GRID2: variants seen among roughly 807,000 people sequenced by gnomAD.
GRID2 encodes glutamate ionotropic receptor delta type subunit 2, also known as glutamate receptor ionotropic, delta-2.
A neutral mutation model predicts 114.8 loss-of-function variants in GRID2; 33 were observed. The ratio of observed to expected loss-of-function variants is 0.29; its 90% CI spans 0.22 to 0.38. The LOEUF is 0.38. Ranked by LOEUF, GRID2 falls within the 10% of genes least tolerant of loss-of-function variation. The pLI is 1.00. For synonymous variants in GRID2, 505 were observed against 449.9 expected (o/e 1.12, Z -1.55); for missense variants, 1,184 against 1,257.7 (o/e 0.94, Z 0.89).
intron 8 of GRID2, among the ~76,000 whole-genome samples, chr4:93,332,743 C>G (rs1758629476): frequency 2.6e-5 from 4 of 152,224 alleles, no homozygotes; most frequent in Admixed American, 6.5e-5. Flanking sequence ...CCTTTGAGAA[C>G]TGCCTCTCTA....
chr4:92,452,309 AT>A (rs1215902255), intron 1 of GRID2, among the ~76,000 whole-genome samples: 1 of 151,846 alleles, frequency 6.6e-6, no homozygotes, highest in East Asian at 1.9e-4. Flanking sequence ...GCAAGGGTAA[AT>A]CTGTTTAGAT....
intron 2 of GRID2, among the ~76,000 whole-genome samples, chr4:92,910,577 G>T (rs1407179763): frequency 6.6e-6 from 1 of 152,128 alleles, no homozygotes. Flanking sequence ...TGTCAAGGGA[G>T]GAGAAGGTAG....
intron 13 of GRID2, among the ~76,000 whole-genome samples, chr4:93,536,643 ACTT>A (rs35785897): frequency 0.29 from 43,221 of 147,068 alleles, 6,645 homozygotes; most frequent in African/African-American, 0.39. Flanking sequence ...GATATTTTTG[ACTT>A]CTTTTTTTTT....
At chr4:92,563,537 T>C (rs1382989649) in intron 1 of GRID2, among the ~76,000 whole-genome samples, 1 of 152,098 alleles carries the variant, frequency 6.6e-6, no homozygotes, top group African/African-American at 2.4e-5. Context: ...ATAGTTCTAA[T>C]TTTACCACAC....
intron 14 of GRID2, among the ~76,000 whole-genome samples, chr4:93,733,432 A>G (rs1320778004): frequency 6.6e-6 from 1 of 152,114 alleles, no homozygotes; most frequent in Non-Finnish European, 1.5e-5. Flanking sequence ...AATTTTCTCC[A>G]AGTGCCTGCT....
At chr4:92,539,834 G>A (rs1233156477) in intron 1 of GRID2, among the ~76,000 whole-genome samples, 2 of 152,088 alleles carry the variant, frequency 1.3e-5, no homozygotes, top group Non-Finnish European at 2.9e-5. Context: ...TCACTGAAAT[G>A]TCCTGGACTG....
At chr4:92,480,667 T>C (rs958504082) in intron 1 of GRID2, among the ~76,000 whole-genome samples, 2 of 152,194 alleles carry the variant, frequency 1.3e-5, no homozygotes, top group African/African-American at 4.8e-5. Flanking sequence ...TTGGCTGCAC[T>C]GGTTTTCCTT....
chr4:92,732,351 A>G (rs1411109785), intron 2 of GRID2, among the ~76,000 whole-genome samples: 3 of 152,066 alleles, frequency 2.0e-5, no homozygotes, highest in Admixed American at 6.6e-5. Flanking sequence ...ATATGTATTC[A>G]TTAATTTCTC....
chr4:92,702,953 T>TCTCA (rs1299772526), intron 2 of GRID2, among the ~76,000 whole-genome samples: 2 of 152,132 alleles, frequency 1.3e-5, no homozygotes, highest in Non-Finnish European at 2.9e-5. Flanking sequence ...TCTTTAGCAC[T>TCTCA]CTCAGGTGGA....
intron 2 of GRID2, among the ~76,000 whole-genome samples, chr4:92,704,739 C>CTCTCTTTCTCTCTCTCTCTG (rs1734870470): frequency 6.6e-6 from 1 of 150,538 alleles, no homozygotes; most frequent in Admixed American, 6.6e-5. Flanking sequence ...CTCTCTCTCT[C>CTCTCTTTCTCTCTCTCTCTG]TCTCTCCCTC....
At chr4:93,376,087 G>A (rs555789683) in intron 8 of GRID2, among the ~76,000 whole-genome samples, 6 of 152,002 alleles carry the variant, frequency 3.9e-5, no homozygotes, top group African/African-American at 1.4e-4. Flanking sequence ...GATTAGTTTT[G>A]GGCCCACCCA....
rs113069997 is a variant in GRID2, at chr4:93,114,447, T to A, written c.735+3494T>A. Among the ~76,000 whole-genome samples the A allele has an allele frequency of 3.4e-3, 515 of 152,326 alleles. 1 individual carries two copies. Among genetic ancestry groups the A allele is most frequent in the Non-Finnish European group, 5.5e-3 (371 of 68,034 alleles). Reference sequence around the variant, plus strand: ...TATTATCTTTCCTTAAAGACTTTTCTGTCTTTCCCCACTCATCCACCATTT... The same window carrying A: ...TATTATCTTTCCTTAAAGACTTTTCAGTCTTTCCCCACTCATCCACCATTT... On this transcript the variant is annotated intron_variant, in intron 4 of 15. Coordinates refer to ENST00000282020, the MANE Select transcript of GRID2 (RefSeq NM_001510.4).
chr4:92,828,873 C>T (rs1412053358), intron 2 of GRID2, among the ~76,000 whole-genome samples: 2 of 150,870 alleles, frequency 1.3e-5, no homozygotes, highest in African/African-American at 4.9e-5. Flanking sequence ...TTGTTTTTTT[C>T]TTGTAAATTT....
At chr4:93,084,333 G>A (rs568455048) in intron 2 of GRID2, among the ~76,000 whole-genome samples, 2 of 152,206 alleles carry the variant, frequency 1.3e-5, no homozygotes, top group African/African-American at 4.8e-5. Flanking sequence ...GTTGATCTAG[G>A]AACCAGAATG....
chr4:92,397,267 T>A (rs917243043), intron 1 of GRID2, among the ~76,000 whole-genome samples: 21 of 151,950 alleles, frequency 1.4e-4, no homozygotes, highest in East Asian at 1.3e-3. Context: ...TTTTTTAGTC[T>A]CTCTGTTATT....
Position 92,618,925 on chromosome 4 carries a change from G to A in GRID2, c.244+28639G>A, listed in dbSNP as rs540020747. ...TTGTTTAGCAGTTCTGAGAGATTTT[G>A]TGTAGTCCTTACATTTTTCTAGATC... is the stretch of plus-strand genomic sequence containing the variant. On this transcript the variant is annotated intron_variant, in intron 2 of 15. Transcript: ENST00000282020. Among the ~76,000 whole-genome samples the A allele has an allele frequency of 5.3e-5, 8 of 151,780 alleles. No homozygotes were observed. The South Asian group carries it at 1.5e-3, about 28-fold the overall frequency.
intron 14 of GRID2, among the ~76,000 whole-genome samples, chr4:93,687,014 G>A (rs142551429): frequency 1.2e-3 from 181 of 152,112 alleles, no homozygotes; most frequent in Non-Finnish European, 2.1e-3. Flanking sequence ...TGGGAGAACA[G>A]TTAGGAGGCT....
intron 13 of GRID2, among the ~76,000 whole-genome samples, chr4:93,606,699 A>T (rs563349801): frequency 6.6e-6 from 1 of 152,152 alleles, no homozygotes; most frequent in Non-Finnish European, 1.5e-5. Flanking sequence ...TAAACATATT[A>T]TTCAGTTTAA....
intron 4 of GRID2, among the ~76,000 whole-genome samples, chr4:93,187,058 A>G (rs1019889867): frequency 6.6e-6 from 1 of 152,126 alleles, no homozygotes; most frequent in African/African-American, 2.4e-5. Flanking sequence ...CACCTCTTTT[A>G]TAAGGGACTA....
Sources: gnomAD v4.1 joint callset for allele counts (sites outside exome capture counted in the v4.1 genomes callset) on GRCh38, gnomAD v4.1.1 for gene constraint, MANE v1.5 for transcripts, NCBI Gene and HGNC (gene_info 2026-07-23, HGNC 2026-07-21) for gene names.